Variants in FRS2 observed in about 807,000 individuals in gnomAD.
FRS2 encodes fibroblast growth factor receptor substrate 2.
Under a neutral mutation model 43.9 loss-of-function variants are expected in FRS2, and 8 were observed. That is an observed-to-expected ratio of 0.18 (90% CI 0.11 to 0.33). FRS2 has a LOEUF of 0.33. FRS2 is among the 10% of genes least tolerant of loss of function. The pLI is 1.00. For missense variants in FRS2, 534 were observed against 627.6 expected, an observed-to-expected ratio of 0.85 and a Z score of 1.59; for synonymous variants, 219 against 220.3, an observed-to-expected ratio of 0.99 and a Z score of 0.05.
intron 3 of FRS2, among the ~76,000 whole-genome samples, chr12:69,542,906 G>C (rs912076283): frequency 6.6e-6 from 1 of 152,186 alleles, no homozygotes; most frequent in Non-Finnish European, 1.5e-5. Flanking sequence ...AGCTAGCTTG[G>C]AGGAAATAAT....
chr12:69,565,614 C>A (rs188736650), intron 4 of FRS2, among the ~76,000 whole-genome samples: 2 of 152,066 alleles, frequency 1.3e-5, no homozygotes, highest in Non-Finnish European at 2.9e-5. Context: ...TTTAAAACTT[C>A]TGTTAAAAAC....
rs1879933749 is a variant in FRS2 at position 69,562,198 on chromosome 12, G to A, written c.-103G>A. 1 of 398,126 alleles carries A rather than the reference G, an allele frequency of 2.5e-6. No individual in the cohort carries two copies. The highest frequency in any genetic ancestry group is 4.4e-6 in the Non-Finnish European group (1 of 225,856). The allele number at this position is 398,126 out of a possible 1,614,324, so 24.7% of individuals were successfully genotyped here. A position where few individuals can be genotyped will look rare whatever the true frequency, so the allele number is the denominator to read the frequency against. ...TTTTTAGGTTAAATCAGCAAACAAA[G>A]AAAACATGGTATTTTGAAATATGAT... is the stretch of plus-strand genomic sequence containing the variant. On this transcript the variant is annotated 5_prime_UTR_variant, in exon 4 of 9. Transcript: ENST00000549921.
chr12:69,564,639 T>G (rs531630626), intron 4 of FRS2, among the ~76,000 whole-genome samples: 1 of 152,278 alleles, frequency 6.6e-6, no homozygotes, highest in South Asian at 2.1e-4. Context: ...TTCCTTAAAT[T>G]TATTCTTTTC....
At chr12:69,501,904 A>G (rs1288590601) in intron 1 of FRS2, among the ~76,000 whole-genome samples, 1 of 152,054 alleles carries the variant, frequency 6.6e-6, no homozygotes, top group Non-Finnish European at 1.5e-5. Context: ...TAGCGTAGAC[A>G]TCTGTGGAAG....
chr12:69,509,205 T>C (rs996753421), intron 1 of FRS2, among the ~76,000 whole-genome samples: 3 of 151,982 alleles, frequency 2.0e-5, no homozygotes, highest in Admixed American at 2.0e-4. Context: ...TTGCTTCAGT[T>C]GTGACTTGTG....
At position 69,526,940 on chromosome 12, in the gene FRS2, G is replaced by A. The variant is rs529966378; in HGVS notation, c.-260-3925G>A. Among the ~76,000 whole-genome samples the A allele has an allele frequency of 2.5e-3, 388 of 152,176 alleles. 1 individual carries two copies. Among genetic ancestry groups the A allele is most frequent in the African/African-American group, 9.0e-3 (374 of 41,522 alleles). ...GGGTTTCACCATGTTATCCAGGATG[G>A]TCTCGATCTCCTGACCTCGTGATCC... is the stretch of plus-strand genomic sequence containing the variant. On this transcript the variant is annotated intron_variant, in intron 1 of 8. Coordinates refer to ENST00000549921, the MANE Select transcript of FRS2 (RefSeq NM_001278356.2).
chr12:69,536,579 ATT>A (rs5798939), intron 3 of FRS2, among the ~76,000 whole-genome samples: 7 of 134,310 alleles, frequency 5.2e-5, no homozygotes, highest in African/African-American at 1.4e-4. Context: ...TTTTTTTTTA[ATT>A]TTTTTTTTTC....
At chr12:69,560,776 T>G (rs1263700148) in intron 3 of FRS2, among the ~76,000 whole-genome samples, 1 of 152,216 alleles carries the variant, frequency 6.6e-6, no homozygotes, top group Non-Finnish European at 1.5e-5. Context: ...AATTGTTTTC[T>G]TTTTTACTAA....
chr12:69,477,430 C>T (rs939132677), intron 1 of FRS2, among the ~76,000 whole-genome samples: 1 of 151,654 alleles, frequency 6.6e-6, no homozygotes. Flanking sequence ...CTACAGGCGC[C>T]CGCCAACACG....
intron 1 of FRS2, among the ~76,000 whole-genome samples, chr12:69,520,286 T>G (rs1175439508): frequency 6.6e-6 from 1 of 152,162 alleles, no homozygotes; most frequent in Non-Finnish European, 1.5e-5. Context: ...TTAAGTTCCT[T>G]ATAGATGCTG....
At chr12:69,513,072 G>A (rs943121051) in intron 1 of FRS2, among the ~76,000 whole-genome samples, 2 of 151,630 alleles carry the variant, frequency 1.3e-5, no homozygotes, top group Admixed American at 6.6e-5. Context: ...GTGTAATGTA[G>A]CTCTAATGCA....
intron 1 of FRS2, among the ~76,000 whole-genome samples, chr12:69,509,411 TTGC>T (rs1326115304): frequency 2.0e-5 from 3 of 152,256 alleles, no homozygotes; most frequent in South Asian, 2.1e-4. Flanking sequence ...ATGAGTCAAC[TTGC>T]TGCTGCTTTT....
intron 3 of FRS2, among the ~76,000 whole-genome samples, chr12:69,551,526 A>G (rs1342682699): frequency 2.0e-5 from 3 of 152,256 alleles, no homozygotes; most frequent in African/African-American, 7.2e-5. Flanking sequence ...AAAGCAGACC[A>G]TGAAACCTTT....
In FRS2 at chr12:69,488,825, T is replaced by C. The variant is rs554887124; in HGVS notation, c.-261+18295T>C. On this transcript the variant is annotated intron_variant, in intron 1 of 8. Coordinates refer to ENST00000549921, the MANE Select transcript of FRS2 (RefSeq NM_001278356.2). ...AATAACAAGTGCAGTTGGCATAAAC[T>C]GGTTTGGGAATGGACTGCTGGCTCT... is the stretch of plus-strand genomic sequence containing the variant. Among the ~76,000 whole-genome samples, 4 of 152,284 alleles carry C rather than the reference T, an allele frequency of 2.6e-5. No individual in the cohort carries two copies. The East Asian group carries it at 7.7e-4, about 29-fold the overall frequency.
At chr12:69,508,024 C>CAAAAAAAAAAAAAAAA (rs11365179) in intron 1 of FRS2, among the ~76,000 whole-genome samples, 1 of 47,582 alleles carries the variant, frequency 2.1e-5, no homozygotes, top group African/African-American at 7.3e-5. Context: ...AACCCCGTCT[C>CAAAAAAAAAAAAAAAA]AAAAAAAAAA....
intron 8 of FRS2, among the ~76,000 whole-genome samples, chr12:69,573,161 A>G (rs1275466165): frequency 6.6e-6 from 1 of 152,180 alleles, no homozygotes; most frequent in African/African-American, 2.4e-5. Context: ...TTATCTCCCC[A>G]AAATACTATT....
chr12:69,490,291 A>G (rs542307289), intron 1 of FRS2, among the ~76,000 whole-genome samples: 68 of 152,314 alleles, frequency 4.5e-4, no homozygotes, highest in South Asian at 1.0e-3. Flanking sequence ...ACATTTAAAA[A>G]TTAGCTTGAA....
intron 3 of FRS2, among the ~76,000 whole-genome samples, chr12:69,555,578 T>C (rs1452507014): frequency 6.6e-6 from 1 of 152,226 alleles, no homozygotes; most frequent in Admixed American, 6.5e-5. Context: ...ATGGATCCAC[T>C]TATAGATGGA....
At chr12:69,560,927 T>G (rs1879824008) in intron 3 of FRS2, among the ~76,000 whole-genome samples, 1 of 152,228 alleles carries the variant, frequency 6.6e-6, no homozygotes, top group Non-Finnish European at 1.5e-5. Flanking sequence ...TCATTTCTCT[T>G]AATTTTATGT....
Sources: allele counts gnomAD v4.1 joint callset (sites outside exome capture counted in the v4.1 genomes callset), GRCh38; gene constraint gnomAD v4.1.1; transcripts MANE v1.5; gene names NCBI Gene and HGNC (gene_info 2026-07-23, HGNC 2026-07-21).